The following TMEM33 variants were observed in gnomAD, a reference collection of about 807,000 sequenced individuals.
TMEM33 encodes the protein transmembrane protein 33.
A neutral mutation model predicts 29.7 loss-of-function variants in TMEM33; 16 were observed. That is an observed-to-expected ratio of 0.54 (90% CI 0.36 to 0.82). The LOEUF (loss-of-function observed/expected upper bound fraction) is 0.82. Among genes scored for constraint, TMEM33 ranks in the 40% least tolerant of loss-of-function variants. TMEM33 has a pLI of 0.00. For missense variants in TMEM33, 252 were observed against 295.3 expected (o/e 0.85, Z 1.08); for synonymous variants, 112 against 109.4 (o/e 1.02, Z -0.15).
Position 41,943,900 on chromosome 4 carries a change from AAAAAGTCCCTCTATACCTTAC to A in TMEM33, c.396+90_396+110del, listed in dbSNP as rs1488435880. The A allele has an allele frequency of 4.7e-6, 6 of 1,267,762 alleles. No homozygotes were observed. In the African/African-American group the frequency reaches 8.9e-5, roughly 19 times the overall value. 78.5% of individuals were successfully genotyped at this position (1,267,762 alleles called of 1,614,324 possible). A position where few individuals can be genotyped will look rare whatever the true frequency, so the allele number is the denominator to read the frequency against. ...TCTAAGACATTTTGGTATTTGTCAC[AAAAAGTCCCTCTATACCTTAC>A]AAACTTGTTATGAATTATTTAGTGA... On this transcript the variant is annotated intron_variant, in intron 4 of 6. Transcript: ENST00000504986.
chr4:41,953,731 A>G (rs1341900384), intron 6 of TMEM33: 1 of 458,868 alleles, frequency 2.2e-6, no homozygotes, highest in East Asian at 6.9e-5. Flanking sequence ...AATGGCCTTC[A>G]TGAACTGCTT....
At position 41,956,779 on chromosome 4, in the gene TMEM33, A is replaced by G. The variant is rs115605933; in HGVS notation, c.*2580A>G. ...TTCTTAAAGGAAGGTTTAATATACA[A>G]AAAAAGGTAATCTTAAACTTACGAA... On this transcript the variant is annotated 3_prime_UTR_variant, in exon 7 of 7. Coordinates refer to ENST00000504986, the MANE Select transcript of TMEM33 (RefSeq NM_018126.3). 175 of 152,302 alleles carry G rather than the reference A, an allele frequency of 1.1e-3. 2 individuals are homozygous for G. The highest frequency in any genetic ancestry group is 4.1e-3 in the African/African-American group (169 of 41,580). 9.4% of individuals were successfully genotyped at this position (152,302 alleles called of 1,614,324 possible). A position where few individuals can be genotyped will look rare whatever the true frequency, so the allele number is the denominator to read the frequency against.
Position 41,958,025 on chromosome 4 carries a change from G to C in TMEM33, c.*3826G>C, listed in dbSNP as rs2153128601. On this transcript the variant is annotated 3_prime_UTR_variant, in exon 7 of 7. Coordinates refer to ENST00000504986, the MANE Select transcript of TMEM33 (RefSeq NM_018126.3). ...GCATTTTTTGTTTGTTTGCTTGTTT[G>C]TTTTTGAGACGGAGTTTCACTCTTG... is the stretch of plus-strand genomic sequence containing the variant. The C allele has an allele frequency of 6.5e-6, 1 of 153,126 alleles. No individual in the cohort carries two copies. 9.5% of individuals were successfully genotyped at this position (153,126 alleles called of 1,614,324 possible).
chr4:41,941,700 A>C (rs1560516544), intron 3 of TMEM33, among the ~76,000 whole-genome samples: 7 of 152,240 alleles, frequency 4.6e-5, no homozygotes. Flanking sequence ...GGAATAACAT[A>C]AACTAGTAAT....
intron 1 of TMEM33, 45 bp from the exon 2 acceptor site, chr4:41,938,557 A>G: frequency 1.3e-6 from 2 of 1,552,634 alleles, no homozygotes; most frequent in Non-Finnish European, 1.8e-6. Flanking sequence ...GCTTAAAAAC[A>G]TGATTTGCAG....
Position 41,956,023 on chromosome 4 carries a change from G to A in TMEM33, c.*1824G>A, listed in dbSNP as rs1421801683. 1 of 152,192 alleles carries A rather than the reference G, an allele frequency of 6.6e-6. No homozygotes were observed. Among genetic ancestry groups the A allele is most frequent in the Non-Finnish European group, 1.5e-5 (1 of 68,040 alleles). The allele number at this position is 152,192 out of a possible 1,614,324, so 9.4% of individuals were successfully genotyped here. A position where few individuals can be genotyped will look rare whatever the true frequency, so the allele number is the denominator to read the frequency against. ...GACAGAGTCTGTCTCTGTCGCCAAG[G>A]CTGGAGTGCAGTGGCGCAATCCTGG... On this transcript the variant is annotated 3_prime_UTR_variant, in exon 7 of 7. Coordinates refer to ENST00000504986, the MANE Select transcript of TMEM33 (RefSeq NM_018126.3).
Position 41,954,367 on chromosome 4 carries a change from G to T in TMEM33, c.*168G>T. On this transcript the variant is annotated 3_prime_UTR_variant, in exon 7 of 7. Transcript: ENST00000504986. ...TCATTTTCTTGGCATGTTAAATCAA[G>T]CTTAAAAAGTTTTGAGAAAATTTTA... 4.8e-6 allele frequency: 4 copies of T among 826,600 alleles called. No individual in the cohort carries two copies. Among genetic ancestry groups the T allele is most frequent in the Admixed American group, 3.5e-5 (1 of 28,858 alleles). The allele number at this position is 826,600 out of a possible 1,614,324, so 51.2% of individuals were successfully genotyped here.
rs562817232 is a variant in TMEM33 at position 41,938,786 on chromosome 4, T to C, written c.140+90T>C. ...TTTAGGTGTAAGACTTATTAACCTG[T>C]AAAGGGTTTAGGGACAAATAAAATA... On this transcript the variant is annotated intron_variant, in intron 2 of 6. Coordinates refer to ENST00000504986, the MANE Select transcript of TMEM33 (RefSeq NM_018126.3). 7.3e-6 allele frequency: 9 copies of C among 1,226,126 alleles called. No individual in the cohort carries two copies. The African/African-American group carries it at 1.2e-4, about 16-fold the overall frequency. 76.0% of individuals were successfully genotyped at this position (1,226,126 alleles called of 1,614,324 possible).
chr4:41,939,626 A>C, intron 3 of TMEM33: 1 of 576,506 alleles, frequency 1.7e-6, no homozygotes, highest in Non-Finnish European at 3.2e-6. Flanking sequence ...CCCTATTAGA[A>C]TGGATATTTT....
At position 41,955,422 on chromosome 4, in the gene TMEM33, T is replaced by A. The variant is rs757299705; in HGVS notation, c.*1223T>A. ...AATTCATGCTGATCTTCATTACCGT[T>A]GCATGATTGGAAATGTTTAAAACAT... is the stretch of plus-strand genomic sequence containing the variant. On this transcript the variant is annotated 3_prime_UTR_variant, in exon 7 of 7. Coordinates refer to ENST00000504986, the MANE Select transcript of TMEM33 (RefSeq NM_018126.3). 3.9e-5 allele frequency: 6 copies of A among 152,526 alleles called. No individual in the cohort carries two copies. Among genetic ancestry groups the A allele is most frequent in the Non-Finnish European group, 8.8e-5 (6 of 68,036 alleles). The allele number at this position is 152,526 out of a possible 1,614,324, so 9.4% of individuals were successfully genotyped here.
At chr4:41,936,906 G>A (rs932848222) in intron 1 of TMEM33, among the ~76,000 whole-genome samples, 4 of 152,116 alleles carry the variant, frequency 2.6e-5, no homozygotes, top group African/African-American at 9.7e-5. Context: ...TGCAGAATTT[G>A]TTTGATTATT....
chr4:41,954,808 C>T lies in TMEM33; in HGVS notation c.*609C>T, dbSNP rs983371482. On this transcript the variant is annotated 3_prime_UTR_variant, in exon 7 of 7. Transcript: ENST00000504986. Reference sequence around the variant, plus strand: ...TTATTTCCGTAAGTACTTCTGTGGCCTTGAGTATTTTTTAAAAGGCTCAAC... The same window carrying T: ...TTATTTCCGTAAGTACTTCTGTGGCTTTGAGTATTTTTTAAAAGGCTCAAC... 23 of 152,414 alleles carry T rather than the reference C, an allele frequency of 1.5e-4. No individual in the cohort carries two copies. The highest frequency in any genetic ancestry group is 7.2e-4 in the Admixed American group (11 of 15,264). 9.4% of individuals were successfully genotyped at this position (152,414 alleles called of 1,614,324 possible).
In TMEM33 at chr4:41,947,119, C is replaced by T. The variant is rs1392257623; in HGVS notation, c.531-2183C>T. 4.0e-5 allele frequency among the ~76,000 whole-genome samples: 6 copies of T among 151,816 alleles called. No individual in the cohort carries two copies. The East Asian group carries it at 1.2e-3, about 30-fold the overall frequency. Reference sequence around the variant, plus strand: ...GGCCTGGTGGTGTGTGCCTGTAGTCCCAGCTACTCGGGAGGCTGAGGCAGG... The same window carrying T: ...GGCCTGGTGGTGTGTGCCTGTAGTCTCAGCTACTCGGGAGGCTGAGGCAGG... On this transcript the variant is annotated intron_variant, in intron 5 of 6. Transcript: ENST00000504986.
Position 41,954,291 on chromosome 4 carries a change from C to T in TMEM33, c.*92C>T, listed in dbSNP as rs1713168469. The T allele has an allele frequency of 7.8e-7, 1 of 1,281,340 alleles. No individual in the cohort carries two copies. 79.4% of individuals were successfully genotyped at this position (1,281,340 alleles called of 1,614,324 possible). A position where few individuals can be genotyped will look rare whatever the true frequency, so the allele number is the denominator to read the frequency against. On this transcript the variant is annotated 3_prime_UTR_variant, in exon 7 of 7. Coordinates refer to ENST00000504986, the MANE Select transcript of TMEM33 (RefSeq NM_018126.3). Reference sequence around the variant, plus strand: ...TTGTAAATTCCAGGTGTTACACTGACCTCAATCCAATTTACATAATTTACA... The same window carrying T: ...TTGTAAATTCCAGGTGTTACACTGATCTCAATCCAATTTACATAATTTACA...
intron 2 of TMEM33, 60 bp from the exon 3 acceptor site, chr4:41,939,136 G>A (rs1712391979): frequency 6.8e-7 from 1 of 1,478,500 alleles, no homozygotes; most frequent in Admixed American, 2.5e-5. Context: ...ATTCACAAAG[G>A]AGGAAGAGAC....
At position 41,941,737 on chromosome 4, in the gene TMEM33, A is replaced by G. The variant is rs184184219; in HGVS notation, c.329-2010A>G. 4.1e-3 allele frequency among the ~76,000 whole-genome samples: 620 copies of G among 152,360 alleles called. 4 individuals are homozygous for G. The highest frequency in any genetic ancestry group is 0.014 in the African/African-American group (602 of 41,574). On this transcript the variant is annotated intron_variant, in intron 3 of 6. Coordinates refer to ENST00000504986, the MANE Select transcript of TMEM33 (RefSeq NM_018126.3). Reference sequence around the variant, plus strand: ...GGCAGCAAATGCTAATCTGATTATTAAAGTGATATGGTAATAAATAAAAGC... The same window carrying G: ...GGCAGCAAATGCTAATCTGATTATTGAAGTGATATGGTAATAAATAAAAGC...
At chr4:41,936,498 G>A (rs959341368) in intron 1 of TMEM33, among the ~76,000 whole-genome samples, 1 of 152,164 alleles carries the variant, frequency 6.6e-6, no homozygotes, top group Admixed American at 6.5e-5. Flanking sequence ...AGCCAAGATC[G>A]CGCCACTGCA....
Position 41,937,204 on chromosome 4 carries a change from C to A in TMEM33, c.46-1398C>A, listed in dbSNP as rs145036230. ...CAATGATTTATTGCAGAATAAACAA[C>A]CTGAACAAATAGATTTTAAGGAGAA... is the stretch of plus-strand genomic sequence containing the variant. On this transcript the variant is annotated intron_variant, in intron 1 of 6. Transcript: ENST00000504986. Among the ~76,000 whole-genome samples, 57 of 152,208 alleles carry A rather than the reference C, an allele frequency of 3.7e-4. 1 individual carries two copies. The highest frequency in any genetic ancestry group is 1.1e-3 in the African/African-American group (44 of 41,532).
At chr4:41,943,929 T>A (rs1712665648) in intron 4 of TMEM33, 115 bp downstream of exon 4, 1 of 853,046 alleles carries the variant, frequency 1.2e-6, no homozygotes, top group South Asian at 1.6e-5. Context: ...TACAAACTTG[T>A]TATGAATTAT....
Sources: gnomAD v4.1 joint callset for allele counts (sites outside exome capture counted in the v4.1 genomes callset) on GRCh38, gnomAD v4.1.1 for gene constraint, MANE v1.5 for transcripts, NCBI Gene and HGNC (gene_info 2026-07-23, HGNC 2026-07-21) for gene names.